Variants in PDGFRL observed in about 807,000 individuals in gnomAD.
PDGFRL encodes the protein platelet derived growth factor receptor like.
A neutral mutation model predicts 37.2 loss-of-function variants in PDGFRL; 46 were observed. The ratio of observed to expected loss-of-function variants is 1.24; its 90% CI spans 0.98 to 1.58. PDGFRL has a LOEUF of 1.58. Among genes scored for constraint, PDGFRL ranks in the 40% most tolerant of loss-of-function variants. The pLI, the probability that PDGFRL is intolerant of heterozygous loss-of-function variation, is 0.00. For missense variants in PDGFRL, 692 were observed against 467.6 expected, an observed-to-expected ratio of 1.48 and a Z score of -4.43; for synonymous variants, 251 against 184.3, an observed-to-expected ratio of 1.36 and a Z score of -2.93.
intron 2 of PDGFRL, among the ~76,000 whole-genome samples, chr8:17,618,600 G>T (rs1804574083): frequency 6.6e-6 from 1 of 152,176 alleles, no homozygotes; most frequent in African/African-American, 2.4e-5. Context: ...CACAAGCTGT[G>T]GGTTTCAGGG....
rs978846611 is a variant in PDGFRL, at chr8:17,603,291, A to T, written c.353+13526A>T. 1.1e-4 allele frequency among the ~76,000 whole-genome samples: 16 copies of T among 152,164 alleles called. No homozygotes were observed. In the East Asian group the frequency reaches 1.3e-3, roughly 13 times the overall value. On this transcript the variant is annotated intron_variant, in intron 2 of 5. Transcript: ENST00000251630. Reference sequence around the variant, plus strand: ...CATGAGCCACCACGCCCAGCCCAACAAACACATTTTTTAAAAAGGGAGCAG... The same window carrying T: ...CATGAGCCACCACGCCCAGCCCAACTAACACATTTTTTAAAAAGGGAGCAG...
At chr8:17,592,999 G>T (rs1009736625) in intron 2 of PDGFRL, among the ~76,000 whole-genome samples, 15 of 151,890 alleles carry the variant, frequency 9.9e-5, no homozygotes, top group African/African-American at 2.9e-4. Flanking sequence ...ACGTATAAGT[G>T]ATATTAAACT....
At chr8:17,590,341 A>G (rs778125180) in intron 2 of PDGFRL, among the ~76,000 whole-genome samples, 2 of 151,946 alleles carry the variant, frequency 1.3e-5, no homozygotes, top group African/African-American at 4.8e-5. Context: ...TTCTATGAAA[A>G]TGTATGATGT....
rs1209966497 is a variant in PDGFRL at position 17,589,695 on chromosome 8, C to T, written c.283C>T (p.Arg95Ter). The change falls in exon 2 of 6, where the codon CGA becomes TGA. Residue 95 changes from arginine to a stop codon, truncating the protein, a stop_gained. Transcript: ENST00000251630. LOFTEE classifies it high-confidence loss of function. ...SLLAGQTVEL[R>*]CKGSRIGWSY... is the part of the protein sequence containing the mutation. ...GCTGGCGGGGCAAACTGTAGAGCTT[C>T]GATGTAAAGGGAGTAGAATTGGGTG... The T allele has an allele frequency of 4.3e-6, 7 of 1,613,310 alleles. No homozygotes were observed. The highest frequency in any genetic ancestry group is 2.7e-5 in the African/African-American group (2 of 74,886).
At chr8:17,606,886 GTT>G (rs371085758) in intron 2 of PDGFRL, among the ~76,000 whole-genome samples, 2 of 138,262 alleles carry the variant, frequency 1.4e-5, no homozygotes, top group Admixed American at 7.3e-5. Flanking sequence ...TTCGTTTTTT[GTT>G]TTTTTGTTTT....
intron 2 of PDGFRL, among the ~76,000 whole-genome samples, chr8:17,591,983 T>C (rs117135398): frequency 0.032 from 4,915 of 152,230 alleles, 141 homozygotes; most frequent in Middle Eastern, 0.14. Context: ...CACAACGATT[T>C]ATATTTCCAC....
At chr8:17,612,796 T>C (rs1804448103) in intron 2 of PDGFRL, among the ~76,000 whole-genome samples, 4 of 152,216 alleles carry the variant, frequency 2.6e-5, no homozygotes, top group Non-Finnish European at 5.9e-5. Flanking sequence ...ACAGTAATGT[T>C]GAATCTTCTA....
chr8:17,602,354 G>T (rs1486469133), intron 2 of PDGFRL, among the ~76,000 whole-genome samples: 5 of 152,188 alleles, frequency 3.3e-5, no homozygotes, highest in Non-Finnish European at 7.3e-5. Flanking sequence ...GAACTTGGGA[G>T]CCCTAGTTCC....
intron 5 of PDGFRL, among the ~76,000 whole-genome samples, chr8:17,641,503 AGTGTTCTCTATACAAGCT>A (rs1805092083): frequency 6.6e-6 from 1 of 152,146 alleles, no homozygotes; most frequent in Non-Finnish European, 1.5e-5. Context: ...ACTTGGCTAG[AGTGTTCTCTATACAAGCT>A]GTGCCCATGG....
chr8:17,604,207 C>T (rs1373064215), intron 2 of PDGFRL, among the ~76,000 whole-genome samples: 5 of 152,128 alleles, frequency 3.3e-5, no homozygotes, highest in African/African-American at 4.8e-5. Context: ...ACTAGAAATA[C>T]CATTTGACCC....
At chr8:17,606,879 G>GTTTT (rs1361616983) in intron 2 of PDGFRL, among the ~76,000 whole-genome samples, 3 of 59,030 alleles carry the variant, frequency 5.1e-5, no homozygotes, top group African/African-American at 1.3e-4. Flanking sequence ...CCAGTTTTTC[G>GTTTT]TTTTTTGTTT....
At chr8:17,621,320 C>A in intron 3 of PDGFRL, 118 bp downstream of exon 3, 1 of 625,814 alleles carries the variant, frequency 1.6e-6, no homozygotes, top group Non-Finnish European at 2.7e-6. Flanking sequence ...TTCCTGTTTG[C>A]CAGGCTCTGG....
intron 1 of PDGFRL, among the ~76,000 whole-genome samples, chr8:17,587,438 G>C (rs556951579): frequency 1.3e-5 from 2 of 152,248 alleles, no homozygotes; most frequent in Admixed American, 6.5e-5. Flanking sequence ...ATGATACACA[G>C]AATACCAAAT....
intron 4 of PDGFRL, among the ~76,000 whole-genome samples, chr8:17,632,748 A>G (rs1490313789): frequency 6.6e-6 from 1 of 151,492 alleles, no homozygotes; most frequent in East Asian, 1.9e-4. Context: ...CCTCCTCCCC[A>G]TCCAGGTCTC....
At chr8:17,576,613 C>G (rs1468106979), upstream of PDGFRL, 6 of 527,064 alleles carry the variant, frequency 1.1e-5, no homozygotes, top group Non-Finnish European at 1.5e-5. Flanking sequence ...CACCAGAGGC[C>G]CGGGTTGTCT....
intron 3 of PDGFRL, among the ~76,000 whole-genome samples, chr8:17,622,568 C>G (rs1317792554): frequency 6.6e-6 from 1 of 152,222 alleles, no homozygotes; most frequent in African/African-American, 2.4e-5. Flanking sequence ...TGCTGCAGTT[C>G]TGGAAGCACA....
intron 5 of PDGFRL, among the ~76,000 whole-genome samples, chr8:17,640,573 G>C (rs1374965613): frequency 1.3e-5 from 2 of 152,132 alleles, no homozygotes; most frequent in Non-Finnish European, 2.9e-5. Context: ...ACCCAGCAGA[G>C]TTACTGGGCT....
At chr8:17,636,595 CAG>C (rs1462276127) in intron 5 of PDGFRL, among the ~76,000 whole-genome samples, 1 of 150,722 alleles carries the variant, frequency 6.6e-6, no homozygotes, top group African/African-American at 2.4e-5. Context: ...TTTGGCTCTG[CAG>C]ATTCTTTTTT....
At chr8:17,588,636 G>C (rs1024380959) in intron 1 of PDGFRL, among the ~76,000 whole-genome samples, 2 of 152,194 alleles carry the variant, frequency 1.3e-5, no homozygotes, top group African/African-American at 4.8e-5. Flanking sequence ...TCATGCCATT[G>C]CATTCCAGCC....
Sources: gnomAD v4.1 joint callset for allele counts (sites outside exome capture counted in the v4.1 genomes callset) on GRCh38, gnomAD v4.1.1 for gene constraint, MANE v1.5 for transcripts, NCBI Gene and HGNC (gene_info 2026-07-23, HGNC 2026-07-21) for gene names.